GALK2: variants seen among roughly 807,000 people sequenced by gnomAD.
GALK2 encodes galactokinase 2.
In GALK2, 36 loss-of-function variants were observed where a neutral mutation model predicts 52.4. That is an observed-to-expected ratio of 0.69 (90% CI 0.53 to 0.91). The LOEUF (loss-of-function observed/expected upper bound fraction) is 0.91, where lower values mean the gene tolerates loss of function less well. Among genes scored for constraint, GALK2 ranks in the 40% least tolerant of loss-of-function variants. The probability of loss-of-function intolerance (pLI) is 0.00; values close to 1 mark genes in which losing one functional copy is unlikely to be tolerated. For synonymous variants in GALK2, 176 were observed against 199.1 expected (o/e 0.88, Z 0.98); for missense variants, 579 against 559.1 (o/e 1.04, Z -0.36).
chr15:49,325,792 G>A (rs1252320713), intron 9 of GALK2, among the ~76,000 whole-genome samples: 1 of 152,190 alleles, frequency 6.6e-6, no homozygotes, highest in Admixed American at 6.5e-5. Flanking sequence ...GTAGCAGGCA[G>A]GGTGGTGACA....
At chr15:49,232,912 C>G (rs146655711) in intron 3 of GALK2, among the ~76,000 whole-genome samples, 4,660 of 152,288 alleles carry the variant, frequency 0.031, 183 homozygotes, top group Admixed American at 0.12. Flanking sequence ...TTCAACAAGT[C>G]TCTAGGAAGT....
intron 1 of GALK2, among the ~76,000 whole-genome samples, chr15:49,199,616 GTA>G (rs1283831403): frequency 1.3e-5 from 2 of 152,048 alleles, no homozygotes; most frequent in Non-Finnish European, 1.5e-5. Flanking sequence ...TATCTTTCCT[GTA>G]TGGATACAGG....
At chr15:49,340,059 G>C (rs9806776) in intron 3 of GALK2, among the ~76,000 whole-genome samples, 4 of 152,112 alleles carry the variant, frequency 2.6e-5, no homozygotes, top group Admixed American at 1.3e-4. Flanking sequence ...GGGCTCAGTG[G>C]GGGTGGGACC....
At chr15:49,158,241 A>G (rs1448645307) in intron 1 of GALK2, among the ~76,000 whole-genome samples, 2 of 152,198 alleles carry the variant, frequency 1.3e-5, no homozygotes, top group African/African-American at 4.8e-5. Flanking sequence ...GCCCCTGGAA[A>G]TGATACAGAA....
intron 5 of GALK2, among the ~76,000 whole-genome samples, chr15:49,254,927 A>G (rs183544581): frequency 6.9e-6 from 1 of 144,270 alleles, no homozygotes; most frequent in African/African-American, 2.5e-5. Flanking sequence ...AAGAATAGGC[A>G]ATGAACATGT....
chr15:49,316,814 T>C (rs540166234), intron 8 of GALK2, among the ~76,000 whole-genome samples: 3 of 152,272 alleles, frequency 2.0e-5, no homozygotes, highest in Admixed American at 1.3e-4. Flanking sequence ...GGAAAGACAC[T>C]GCCAGCTCTA....
At chr15:49,171,082 C>CTTTTTTTTTTTTTTTTTTTTT (rs201895577) in intron 1 of GALK2, among the ~76,000 whole-genome samples, 1 of 129,918 alleles carries the variant, frequency 7.7e-6, no homozygotes, top group African/African-American at 2.8e-5. Flanking sequence ...TTTTCTTTTT[C>CTTTTTTTTTTTTTTTTTTTTT]TTTTTTTTTT....
At chr15:49,245,411 T>C (rs2091300190) in intron 5 of GALK2, among the ~76,000 whole-genome samples, 1 of 152,050 alleles carries the variant, frequency 6.6e-6, no homozygotes, top group African/African-American at 2.4e-5. Context: ...AATATCACTT[T>C]GGCGAAAGTA....
chr15:49,222,739 A>G (rs1180487064), intron 3 of GALK2, among the ~76,000 whole-genome samples: 3 of 152,170 alleles, frequency 2.0e-5, no homozygotes, highest in African/African-American at 7.2e-5. Context: ...CCTGGGATAA[A>G]TCCCGCTTGA....
At chr15:49,322,455 T>G (rs2036955833) in intron 9 of GALK2, among the ~76,000 whole-genome samples, 1 of 152,238 alleles carries the variant, frequency 6.6e-6, no homozygotes, top group Non-Finnish European at 1.5e-5. Context: ...GCTGTCACTG[T>G]GACCAGCAGA....
chr15:49,195,530 C>T (rs568049158), intron 1 of GALK2, among the ~76,000 whole-genome samples: 7 of 152,134 alleles, frequency 4.6e-5, no homozygotes, highest in African/African-American at 1.4e-4. Context: ...TTTTTGTTTT[C>T]GCATATGAAG....
intron 3 of GALK2, chr15:49,226,549 C>A (rs1222442182): frequency 6.6e-6 from 1 of 151,672 alleles, no homozygotes; most frequent in Non-Finnish European, 1.5e-5. Context: ...AAAGCTTTAA[C>A]CCTTTATGTT....
At chr15:49,343,230 T>C (rs1454635782) in intron 3 of GALK2, among the ~76,000 whole-genome samples, 1 of 152,174 alleles carries the variant, frequency 6.6e-6, no homozygotes, top group Non-Finnish European at 1.5e-5. Context: ...TTCTTAATTC[T>C]TTTTTTAATT....
downstream of GALK2, chr15:49,335,458 G>C (rs1489339237): frequency 2.5e-6 from 4 of 1,613,184 alleles, no homozygotes; most frequent in Non-Finnish European, 3.4e-6. Context: ...TTGTCTTTTT[G>C]CCTCCTTTAT....
chr15:49,339,689 G>A (rs2151210233), intron 3 of GALK2, among the ~76,000 whole-genome samples: 1 of 152,324 alleles, frequency 6.6e-6, no homozygotes, highest in Admixed American at 6.5e-5. Context: ...GAGCTGCCAA[G>A]TATGGACGTT....
intron 3 of GALK2, among the ~76,000 whole-genome samples, chr15:49,348,038 A>T (rs941427749): frequency 6.6e-6 from 1 of 151,862 alleles, no homozygotes; most frequent in Non-Finnish European, 1.5e-5. Context: ...AAAAAAAAAA[A>T]AAAAGGCTAA....
chr15:49,355,586 T>C (rs963535656), intron 3 of GALK2, among the ~76,000 whole-genome samples: 1 of 152,104 alleles, frequency 6.6e-6, no homozygotes, highest in Non-Finnish European at 1.5e-5. Context: ...AATATGGGGC[T>C]ATGTGAAAAG....
At chr15:49,269,323 G>A (rs2030005517) in intron 5 of GALK2, among the ~76,000 whole-genome samples, 1 of 152,168 alleles carries the variant, frequency 6.6e-6, no homozygotes, top group African/African-American at 2.4e-5. Context: ...TGCAGTGCAA[G>A]GTCAGGGGCC....
rs1260569523 is a variant in GALK2, at chr15:49,201,192, C to G, written c.84C>G (p.Ser28=). The change falls in exon 2 of 10, where the codon TCC becomes TCG. Residue 28 remains serine (S), a synonymous_variant. Transcript: ENST00000560031. ...TGAAGCTAAAGGAGATGTTTAACTC[C>G]AAGTTTGGATCTATTCCCAAGTTTT... ...RLLKLKEMFN[S]KFGSIPKFYV... 6.2e-7 allele frequency: 1 copy of G among 1,606,914 alleles called. No individual in the cohort carries two copies. The highest frequency in any genetic ancestry group is 2.2e-5 in the East Asian group (1 of 44,674).
Sources: allele counts gnomAD v4.1 joint callset (sites outside exome capture counted in the v4.1 genomes callset), GRCh38; gene constraint gnomAD v4.1.1; transcripts MANE v1.5; gene names NCBI Gene and HGNC (gene_info 2026-07-23, HGNC 2026-07-21).